The following SERPINB7 variants were observed in gnomAD, a reference collection of about 807,000 sequenced individuals.
SERPINB7 encodes the protein serpin family B member 7.
A neutral mutation model predicts 37.4 loss-of-function variants in SERPINB7; 31 were observed. That is an observed-to-expected ratio of 0.83 (90% CI 0.62 to 1.12). SERPINB7 has a LOEUF of 1.12. Ranked by LOEUF, SERPINB7 falls within the 50% of genes most tolerant of loss-of-function variation. The probability of loss-of-function intolerance (pLI) is 0.00; values close to 1 mark genes in which losing one functional copy is unlikely to be tolerated. For synonymous variants in SERPINB7, 163 were observed against 166.1 expected, an observed-to-expected ratio of 0.98 and a Z score of 0.14; for missense variants, 521 against 455.3, an observed-to-expected ratio of 1.14 and a Z score of -1.31.
intron 4 of SERPINB7, among the ~76,000 whole-genome samples, chr18:63,794,555 T>C (rs1599016958): frequency 6.6e-6 from 1 of 152,138 alleles, no homozygotes; most frequent in Middle Eastern, 3.4e-3. Flanking sequence ...CCGGGCGCGG[T>C]GGCAGGCGCC....
chr18:63,770,180 T>G (rs1010958878), intron 1 of SERPINB7, among the ~76,000 whole-genome samples: 1 of 150,884 alleles, frequency 6.6e-6, no homozygotes, highest in Non-Finnish European at 1.5e-5. Context: ...GTGGGGTTAT[T>G]ATCATCCAAA....
At chr18:63,801,565 A>T (rs906810976) in intron 7 of SERPINB7, among the ~76,000 whole-genome samples, 5 of 152,150 alleles carry the variant, frequency 3.3e-5, no homozygotes, top group Admixed American at 6.5e-5. Context: ...TACTCAAATC[A>T]ATCTCCCTGA....
upstream of SERPINB7, among the ~76,000 whole-genome samples, chr18:63,775,141 C>T (rs2049235805): frequency 6.6e-6 from 1 of 152,034 alleles, no homozygotes; most frequent in South Asian, 2.1e-4. Context: ...GTGTGTTTCT[C>T]ACAGAAGAGT....
upstream of SERPINB7, among the ~76,000 whole-genome samples, chr18:63,773,816 A>G (rs114650647): frequency 4.9e-3 from 744 of 152,244 alleles, 7 homozygotes; most frequent in East Asian, 0.023. Context: ...ACTGTTGCAA[A>G]CACAGTAGTG....
chr18:63,791,235 C>T (rs558168069), intron 2 of SERPINB7, among the ~76,000 whole-genome samples: 2 of 152,152 alleles, frequency 1.3e-5, no homozygotes, highest in Non-Finnish European at 2.9e-5. Context: ...CATGTGTATA[C>T]CTATGTAAAA....
chr18:63,778,497 A>G (rs1337727070), intron 1 of SERPINB7, among the ~76,000 whole-genome samples: 1 of 152,172 alleles, frequency 6.6e-6, no homozygotes, highest in African/African-American at 2.4e-5. Flanking sequence ...ATATACAGGC[A>G]AAAGTATCCT....
At chr18:63,784,146 T>TA (rs2049341486) in intron 2 of SERPINB7, among the ~76,000 whole-genome samples, 1 of 152,224 alleles carries the variant, frequency 6.6e-6, no homozygotes, top group African/African-American at 2.4e-5. Context: ...GTGGGAATAT[T>TA]ACCCTGATTT....
At chr18:63,783,263 A>AAAGAAAGG (rs1568208016) in intron 2 of SERPINB7, among the ~76,000 whole-genome samples, 1 of 149,414 alleles carries the variant, frequency 6.7e-6, no homozygotes, top group Non-Finnish European at 1.5e-5. Flanking sequence ...AGAAAGAAAG[A>AAAGAAAGG]AAGAAAGAAA....
At chr18:63,783,232 GAGAAAGAAAGAA>G (rs761812129) in intron 2 of SERPINB7, among the ~76,000 whole-genome samples, 668 of 40,302 alleles carry the variant, frequency 0.017, 6 homozygotes, top group Non-Finnish European at 0.021. Flanking sequence ...GAGAGAGAGA[GAGAAAGAAAGAA>G]AGAAAGAAAG....
chr18:63,789,612 T>G (rs1283723337), intron 2 of SERPINB7, among the ~76,000 whole-genome samples: 7 of 152,142 alleles, frequency 4.6e-5, no homozygotes, highest in African/African-American at 1.7e-4. Context: ...GGATACAGAG[T>G]ACCCAGTATA....
intron 3 of SERPINB7, 25 bp from the exon 4 acceptor site, chr18:63,793,136 T>A: frequency 7.5e-7 from 1 of 1,327,850 alleles, no homozygotes; most frequent in Non-Finnish European, 1.1e-6. Context: ...CAAAAATAAA[T>A]TTTTATACAT....
intron 4 of SERPINB7, among the ~76,000 whole-genome samples, chr18:63,795,814 G>A (rs1279267333): frequency 6.6e-6 from 1 of 152,168 alleles, no homozygotes; most frequent in Non-Finnish European, 1.5e-5. Context: ...AGGAGAAAGT[G>A]GCTATGACGT....
At chr18:63,767,851 A>G (rs1180635706) in intron 1 of SERPINB7, among the ~76,000 whole-genome samples, 1 of 152,118 alleles carries the variant, frequency 6.6e-6, no homozygotes, top group Non-Finnish European at 1.5e-5. Context: ...TGATAGGTAT[A>G]GAACTATTCA....
intron 4 of SERPINB7, among the ~76,000 whole-genome samples, chr18:63,795,645 GACAGCCAT>G (rs1244403038): frequency 6.6e-6 from 1 of 151,632 alleles, no homozygotes; most frequent in Admixed American, 6.6e-5. Context: ...GTCCAGGAGA[GACAGCCAT>G]ACTTGGAACT....
chr18:63,792,479 T>A, intron 3 of SERPINB7, 36 bp downstream of exon 3: 2 of 1,423,148 alleles, frequency 1.4e-6, no homozygotes, highest in Non-Finnish European at 2.0e-6. Flanking sequence ...AAAGAGAAGG[T>A]GAGCCAGGTG....
intron 6 of SERPINB7, among the ~76,000 whole-genome samples, chr18:63,799,696 C>T (rs762809680): frequency 5.9e-5 from 9 of 152,152 alleles, no homozygotes; most frequent in Non-Finnish European, 1.3e-4. Flanking sequence ...GTATCAGGCT[C>T]AATTCTGGGG....
In SERPINB7 at chr18:63,789,015, G is replaced by C. The variant is rs9966935; in HGVS notation, c.169-3378G>C. On this transcript the variant is annotated intron_variant, in intron 2 of 7. Coordinates refer to ENST00000398019, the MANE Select transcript of SERPINB7 (RefSeq NM_003784.4). ...AAGTGATGCATGATTGTAATAAGTA[G>C]AAGGTTTAAAACTTTGAAGAGCAGA... Among the ~76,000 whole-genome samples the C allele has an allele frequency of 3.8e-3, 572 of 152,276 alleles. 6 individuals are homozygous for C. Among genetic ancestry groups the C allele is most frequent in the African/African-American group, 0.013 (545 of 41,552 alleles).
chr18:63,801,060 A>G, intron 7 of SERPINB7, 48 bp downstream of exon 7: 1 of 1,581,786 alleles, frequency 6.3e-7, no homozygotes, highest in East Asian at 2.2e-5. Context: ...GACTTTTAGG[A>G]TACTGTTGAT....
intron 1 of SERPINB7, among the ~76,000 whole-genome samples, chr18:63,778,664 C>T (rs553141014): frequency 2.0e-5 from 3 of 152,052 alleles, no homozygotes; most frequent in Admixed American, 2.0e-4. Flanking sequence ...CTACTTTTTG[C>T]TTTTTATTAA....
Sources: gnomAD v4.1 joint callset for allele counts (sites outside exome capture counted in the v4.1 genomes callset) on GRCh38, gnomAD v4.1.1 for gene constraint, MANE v1.5 for transcripts, NCBI Gene and HGNC (gene_info 2026-07-23, HGNC 2026-07-21) for gene names.